Variants in DDX4 observed in about 807,000 individuals in gnomAD.
DDX4 encodes DEAD-box helicase 4.
In DDX4, 25 loss-of-function variants were observed where a neutral mutation model predicts 100.0. The ratio of observed to expected loss-of-function variants is 0.25; its 90% CI spans 0.18 to 0.35. The LOEUF is 0.35. Among genes scored for constraint, DDX4 ranks in the 10% least tolerant of loss-of-function variants. The pLI, the probability that DDX4 is intolerant of heterozygous loss-of-function variation, is 1.00. For synonymous variants in DDX4, 259 were observed against 275.7 expected, an observed-to-expected ratio of 0.94 and a Z score of 0.60; for missense variants, 635 against 882.4, an observed-to-expected ratio of 0.72 and a Z score of 3.55.
rs755617900 is a variant in DDX4 at position 55,789,481 on chromosome 5, A to G, written c.1173-1095A>G. 4.6e-5 allele frequency among the ~76,000 whole-genome samples: 7 copies of G among 152,346 alleles called. No homozygotes were observed. The East Asian group carries it at 9.6e-4, about 21-fold the overall frequency. On this transcript the variant is annotated intron_variant, in intron 15 of 21. Transcript: ENST00000505374. ...CCATAGGGATGCATGATTAAATGGC[A>G]CTGGCTTCCCCTAGATTAAGTGATC... is the stretch of plus-strand genomic sequence containing the variant.
intron 7 of DDX4, among the ~76,000 whole-genome samples, chr5:55,776,395 A>G (rs1741567267): frequency 6.6e-6 from 1 of 152,216 alleles, no homozygotes; most frequent in Non-Finnish European, 1.5e-5. Context: ...ATATTCAAAG[A>G]GAATAGATGA....
In DDX4 at chr5:55,765,106, T is replaced by TA. The variant is rs566219705; in HGVS notation, c.334+1043dup. On this transcript the variant is annotated intron_variant, in intron 6 of 21. Transcript: ENST00000505374. ...CTCCTATCCCGTTCAAATGAAAACA[T>TA]ATATGATGTAGAACTAGTATTTGTG... Among the ~76,000 whole-genome samples, 107 of 152,232 alleles carry TA rather than the reference T, an allele frequency of 7.0e-4. 2 individuals carry two copies. In the South Asian group the frequency reaches 0.022, roughly 32 times the overall value.
At chr5:55,778,862 C>T (rs1027903977) in intron 7 of DDX4, among the ~76,000 whole-genome samples, 6 of 150,266 alleles carry the variant, frequency 4.0e-5, no homozygotes, top group African/African-American at 1.5e-4. Context: ...CCACTGCACT[C>T]CAACCTGGGT....
chr5:55,816,636 A>G lies in DDX4; in HGVS notation c.*96A>G, dbSNP rs1260867110. On this transcript the variant is annotated 3_prime_UTR_variant, in exon 22 of 22. Coordinates refer to ENST00000505374, the MANE Select transcript of DDX4 (RefSeq NM_024415.3). ...CAGAAGTATAAAACTTAACATTCTC[A>G]TAGCTCCTGTCCTTGTATTCTCACT... 5 of 1,530,688 alleles carry G rather than the reference A, an allele frequency of 3.3e-6. No individual in the cohort carries two copies. Among genetic ancestry groups the G allele is most frequent in the Non-Finnish European group, 4.4e-6 (5 of 1,136,296 alleles). 94.8% of individuals were successfully genotyped at this position (1,530,688 alleles called of 1,614,324 possible).
chr5:55,771,491 T>C (rs1231872347), intron 7 of DDX4, among the ~76,000 whole-genome samples: 3 of 152,182 alleles, frequency 2.0e-5, no homozygotes, highest in African/African-American at 7.2e-5. Flanking sequence ...GTTTTTCTAT[T>C]AGTGATAGGT....
intron 9 of DDX4, 80 bp downstream of exon 9, chr5:55,781,226 G>A (rs1365398925): frequency 1.7e-6 from 2 of 1,148,372 alleles, no homozygotes; most frequent in Non-Finnish European, 1.2e-6. Flanking sequence ...TAATATATAT[G>A]TTAAAGTATA....
intron 4 of DDX4, among the ~76,000 whole-genome samples, chr5:55,762,731 T>G (rs1740641499): frequency 6.6e-6 from 1 of 152,080 alleles, no homozygotes; most frequent in Non-Finnish European, 1.5e-5. Context: ...TAGCCCCTTG[T>G]TTTAATTTTA....
At chr5:55,800,152 A>C (rs1580595136) in intron 18 of DDX4, among the ~76,000 whole-genome samples, 1 of 152,268 alleles carries the variant, frequency 6.6e-6, no homozygotes, top group East Asian at 1.9e-4. Flanking sequence ...TTTAATTCCC[A>C]AAACAACCTT....
intron 13 of DDX4, among the ~76,000 whole-genome samples, chr5:55,786,225 A>G (rs915644174): frequency 1.3e-5 from 2 of 152,160 alleles, no homozygotes; most frequent in African/African-American, 4.8e-5. Context: ...TGATAATTAT[A>G]CTTAGAACAA....
chr5:55,766,014 TCGTCA>T (rs1351842157), intron 6 of DDX4, among the ~76,000 whole-genome samples: 1 of 150,852 alleles, frequency 6.6e-6, no homozygotes, highest in East Asian at 1.9e-4. Context: ...AGACGGGGTT[TCGTCA>T]CGTTGGCCAG....
rs1744445503 is a variant in DDX4, at chr5:55,816,792, T to C, written c.*252T>C. ...TTCTAAATGTCTTTCTTATTTCTGGTATATTCTTTAGGGGGCTTAGACATG... is the reference window on the plus strand; with the variant it reads ...TTCTAAATGTCTTTCTTATTTCTGGCATATTCTTTAGGGGGCTTAGACATG... On this transcript the variant is annotated 3_prime_UTR_variant, in exon 22 of 22. Transcript: ENST00000505374. The C allele has an allele frequency of 2.0e-6, 1 of 498,310 alleles. No individual in the cohort carries two copies. The highest frequency in any genetic ancestry group is 4.8e-5 in the South Asian group (1 of 20,666). The allele number at this position is 498,310 out of a possible 1,614,324, so 30.9% of individuals were successfully genotyped here.
intron 15 of DDX4, among the ~76,000 whole-genome samples, chr5:55,789,506 C>T (rs914552872): frequency 6.6e-6 from 1 of 152,148 alleles, no homozygotes; most frequent in Admixed American, 6.5e-5. Flanking sequence ...ATTAAGTGAT[C>T]AGTAAGAACA....
At chr5:55,780,844 G>T (rs936201946) in intron 8 of DDX4, among the ~76,000 whole-genome samples, 1 of 152,134 alleles carries the variant, frequency 6.6e-6, no homozygotes, top group Non-Finnish European at 1.5e-5. Flanking sequence ...GACATTATTT[G>T]TAGAGAATTC....
At chr5:55,755,526 G>C (rs1759870830) in intron 3 of DDX4, among the ~76,000 whole-genome samples, 1 of 152,094 alleles carries the variant, frequency 6.6e-6, no homozygotes, top group Admixed American at 6.6e-5. Context: ...GATGAAATTA[G>C]ATATTTTATT....
intron 2 of DDX4, among the ~76,000 whole-genome samples, chr5:55,743,115 A>G (rs572393880): frequency 1.9e-4 from 29 of 152,186 alleles, no homozygotes; most frequent in Non-Finnish European, 3.4e-4. Context: ...AGCAACATAA[A>G]TTTATTCTCA....
chr5:55,766,426 A>T (rs907390890), intron 6 of DDX4, among the ~76,000 whole-genome samples: 1 of 150,224 alleles, frequency 6.7e-6, no homozygotes, highest in Non-Finnish European at 1.5e-5. Flanking sequence ...CAGGTCCCAG[A>T]TTAGTAGTTT....
chr5:55,773,384 G>A (rs952771827), intron 7 of DDX4, among the ~76,000 whole-genome samples: 2 of 152,160 alleles, frequency 1.3e-5, no homozygotes, highest in Non-Finnish European at 2.9e-5. Context: ...GTGAACCTGT[G>A]TTTTCATTTT....
intron 7 of DDX4, among the ~76,000 whole-genome samples, chr5:55,771,806 T>G (rs570586965): frequency 9.8e-5 from 15 of 152,370 alleles, no homozygotes; most frequent in Admixed American, 2.6e-4. Flanking sequence ...GCACTTCTTA[T>G]GTTTATTGGC....
intron 18 of DDX4, among the ~76,000 whole-genome samples, chr5:55,802,260 G>A (rs762649376): frequency 3.3e-5 from 5 of 152,222 alleles, no homozygotes; most frequent in Non-Finnish European, 7.4e-5. Context: ...ATTTGGGTTG[G>A]GATGGGGTGT....
Sources: gnomAD v4.1 joint callset for allele counts (sites outside exome capture counted in the v4.1 genomes callset) on GRCh38, gnomAD v4.1.1 for gene constraint, MANE v1.5 for transcripts, NCBI Gene and HGNC (gene_info 2026-07-23, HGNC 2026-07-21) for gene names.